Variants in APBB1IP observed in about 807,000 individuals in gnomAD.
APBB1IP encodes amyloid beta A4 precursor protein-binding family B member 1-interacting protein.
In APBB1IP, 27 loss-of-function variants were observed where a neutral mutation model predicts 64.9. The observed-to-expected ratio is 0.42, with a 90% CI of 0.31 to 0.57. The LOEUF (loss-of-function observed/expected upper bound fraction) is 0.57. Ranked by LOEUF, APBB1IP falls within the 20% of genes least tolerant of loss-of-function variation. The probability of loss-of-function intolerance (pLI) is 0.20; values close to 1 mark genes in which losing one functional copy is unlikely to be tolerated. For synonymous variants in APBB1IP, 392 were observed against 331.0 expected, an observed-to-expected ratio of 1.18 and a Z score of -2.00; for missense variants, 812 against 845.5, an observed-to-expected ratio of 0.96 and a Z score of 0.49.
intron 2 of APBB1IP, among the ~76,000 whole-genome samples, chr10:26,468,900 C>T (rs12243470): frequency 0.37 from 55,862 of 151,914 alleles, 10,330 homozygotes; most frequent in South Asian, 0.5. Context: ...GTCGTGTCCC[C>T]ACAGGCTTAT....
intron 8 of APBB1IP, among the ~76,000 whole-genome samples, chr10:26,531,483 T>C (rs1836552807): frequency 1.3e-5 from 2 of 152,090 alleles, no homozygotes; most frequent in Non-Finnish European, 2.9e-5. Context: ...CTGGCTAACA[T>C]GGTGAAACCC....
chr10:26,500,754 A>ATC (rs1836086301), intron 4 of APBB1IP, 65 bp from the exon 5 acceptor site: 1 of 1,451,736 alleles, frequency 6.9e-7, no homozygotes, highest in African/African-American at 1.4e-5. Flanking sequence ...CTTAAAAATT[A>ATC]TCTTCTTTCA....
intron 6 of APBB1IP, chr10:26,509,504 T>C (rs920081691): frequency 6.6e-6 from 1 of 152,230 alleles, no homozygotes; most frequent in Non-Finnish European, 1.5e-5. Flanking sequence ...CACCCTTCCA[T>C]TGCTATCAGT....
At chr10:26,477,804 C>T (rs1835792298) in intron 2 of APBB1IP, among the ~76,000 whole-genome samples, 1 of 152,182 alleles carries the variant, frequency 6.6e-6, no homozygotes, top group Admixed American at 6.6e-5. Flanking sequence ...GATCACAGTT[C>T]ACTGCAACCT....
chr10:26,513,778 G>T, intron 8 of APBB1IP, 118 bp downstream of exon 8: 4 of 1,283,796 alleles, frequency 3.1e-6, no homozygotes, highest in Non-Finnish European at 4.2e-6. Context: ...AGTCTCGAAG[G>T]CTGGAGTGCA....
Position 26,567,166 on chromosome 10 carries a change from C to T in APBB1IP, c.1679C>T (p.Pro560Leu), listed in dbSNP as rs1227672195. The change falls in exon 15 of 15, where the codon CCG becomes CTG. Residue 560 changes from proline to leucine, a missense_variant. Transcript: ENST00000376236. ...GACTTCCTGCCGCCGCCGCCACCGCCGCCGCCCCTCGATGACCCTGAGCTC... is the reference window on the plus strand; with the variant it reads ...GACTTCCTGCCGCCGCCGCCACCGCTGCCGCCCCTCGATGACCCTGAGCTC... ...PDDFLPPPPP[P>L]PPLDDPELPP... 5.9e-5 allele frequency: 83 copies of T among 1,417,902 alleles called. No homozygotes were observed. The highest frequency in any genetic ancestry group is 7.5e-5 in the Non-Finnish European group (82 of 1,092,526). 87.8% of individuals were successfully genotyped at this position (1,417,902 alleles called of 1,614,324 possible).
intron 2 of APBB1IP, 74 bp from the exon 3 acceptor site, chr10:26,492,251 AAG>A (rs1401026005): frequency 1.5e-6 from 2 of 1,340,056 alleles, no homozygotes; most frequent in South Asian, 1.2e-5. Flanking sequence ...TCTTGGGGGA[AAG>A]AGAGGGATGC....
chr10:26,495,752 C>A (rs1343219315), intron 3 of APBB1IP, among the ~76,000 whole-genome samples: 1 of 151,094 alleles, frequency 6.6e-6, no homozygotes, highest in Non-Finnish European at 1.5e-5. Context: ...AACAGCCCTG[C>A]CAACAGGTAG....
chr10:26,515,165 G>A (rs759196585), intron 8 of APBB1IP, among the ~76,000 whole-genome samples: 3 of 151,970 alleles, frequency 2.0e-5, no homozygotes, highest in Non-Finnish European at 4.4e-5. Context: ...CCAGGTGTGA[G>A]CCACTGCACC....
At chr10:26,497,537 C>T (rs1309998847) in intron 4 of APBB1IP, among the ~76,000 whole-genome samples, 2 of 150,602 alleles carry the variant, frequency 1.3e-5, no homozygotes, top group Non-Finnish European at 3.0e-5. Flanking sequence ...GGCGGCAGAG[C>T]GAGACTCTGC....
intron 2 of APBB1IP, among the ~76,000 whole-genome samples, chr10:26,463,170 G>A (rs1308585294): frequency 3.3e-5 from 5 of 152,330 alleles, no homozygotes; most frequent in Admixed American, 6.5e-5. Flanking sequence ...AGGCGTGGTG[G>A]CTCACACCTG....
rs186338437 is a variant in APBB1IP, at chr10:26,547,581, A to T, written c.1155+5889A>T. On this transcript the variant is annotated intron_variant, in intron 11 of 14. Transcript: ENST00000376236. ...CTCAGCCTCCCGAGTAGCTGGGATTACAGGAACGCGCCACCACTCCCAGCT... is the reference window on the plus strand; with the variant it reads ...CTCAGCCTCCCGAGTAGCTGGGATTTCAGGAACGCGCCACCACTCCCAGCT... Among the ~76,000 whole-genome samples the T allele has an allele frequency of 3.3e-5, 5 of 152,212 alleles. No individual in the cohort carries two copies. In the East Asian group the frequency reaches 9.6e-4, roughly 29 times the overall value.
At chr10:26,525,139 G>A (rs1363373290) in intron 8 of APBB1IP, among the ~76,000 whole-genome samples, 1 of 151,300 alleles carries the variant, frequency 6.6e-6, no homozygotes, top group Non-Finnish European at 1.5e-5. Context: ...AAAATTAGCT[G>A]GGCGGGGTGA....
intron 3 of APBB1IP, among the ~76,000 whole-genome samples, chr10:26,495,625 AAG>A (rs1554775348): frequency 6.6e-6 from 1 of 150,564 alleles, no homozygotes; most frequent in Non-Finnish European, 1.5e-5. Flanking sequence ...AAAAAAAAAA[AAG>A]AATAGGAAAG....
intron 6 of APBB1IP, among the ~76,000 whole-genome samples, chr10:26,508,371 C>T: frequency 6.7e-6 from 1 of 148,824 alleles, no homozygotes; most frequent in Admixed American, 6.7e-5. Flanking sequence ...AGAACAATTC[C>T]ATTTATAAAT....
intron 2 of APBB1IP, among the ~76,000 whole-genome samples, chr10:26,477,278 A>T (rs1249264785): frequency 6.6e-6 from 1 of 152,174 alleles, no homozygotes; most frequent in Non-Finnish European, 1.5e-5. Flanking sequence ...GATAATTCTA[A>T]GTTTGATCAT....
At chr10:26,454,546 TAGA>T (rs199985418) in intron 2 of APBB1IP, among the ~76,000 whole-genome samples, 6,063 of 127,092 alleles carry the variant, frequency 0.048, 398 homozygotes, top group African/African-American at 0.17. Flanking sequence ...AGGTAGAGAG[TAGA>T]AGGATGGTTA....
chr10:26,533,865 G>A (rs1253886548), intron 9 of APBB1IP, among the ~76,000 whole-genome samples: 5 of 151,982 alleles, frequency 3.3e-5, no homozygotes, highest in African/African-American at 1.2e-4. Context: ...CCTCTAAGAT[G>A]CTCTCTCAAC....
intron 3 of APBB1IP, among the ~76,000 whole-genome samples, chr10:26,495,040 ACT>A (rs1836002914): frequency 1.4e-5 from 2 of 146,240 alleles, no homozygotes; most frequent in Admixed American, 1.4e-4. Flanking sequence ...ATAGAGTCTC[ACT>A]CTGTCACCAG....
Sources: allele counts gnomAD v4.1 joint callset (sites outside exome capture counted in the v4.1 genomes callset), GRCh38; gene constraint gnomAD v4.1.1; transcripts MANE v1.5; gene names NCBI Gene and HGNC (gene_info 2026-07-23, HGNC 2026-07-21).